The following CFAP46 variants were observed in gnomAD, a reference collection of about 807,000 sequenced individuals.
CFAP46 encodes the protein cilia and flagella associated protein 46.
Under a neutral mutation model 325.7 loss-of-function variants are expected in CFAP46, and 245 were observed. That is an observed-to-expected ratio of 0.75 (90% CI 0.68 to 0.84). The LOEUF is 0.84. Ranked by LOEUF, CFAP46 falls within the 40% of genes least tolerant of loss-of-function variation. CFAP46 has a pLI of 0.00. For missense variants in CFAP46, 3,346 were observed against 3,543.0 expected, an observed-to-expected ratio of 0.94 and a Z score of 1.41; for synonymous variants, 1,523 against 1,495.9, an observed-to-expected ratio of 1.02 and a Z score of -0.42.
chr10:132,935,932 C>G (rs1849995185), intron 7 of CFAP46, among the ~76,000 whole-genome samples: 2 of 129,776 alleles, frequency 1.5e-5, no homozygotes, highest in Non-Finnish European at 3.4e-5. Context: ...TCTCCTCACT[C>G]CCCTCGGCAC....
intron 17 of CFAP46, among the ~76,000 whole-genome samples, chr10:132,913,905 C>T (rs1849598238): frequency 6.6e-6 from 1 of 152,106 alleles, no homozygotes; most frequent in African/African-American, 2.4e-5. Flanking sequence ...CAGCAGCCCC[C>T]TCGTTCCAGT....
Position 132,827,406 on chromosome 10 carries a change from T to C in CFAP46, c.7117+5952A>G, listed in dbSNP as rs2056491349. 6.6e-6 allele frequency among the ~76,000 whole-genome samples: 1 copy of C among 152,110 alleles called. No individual in the cohort carries two copies. The highest frequency in any genetic ancestry group is 1.5e-5 in the Non-Finnish European group (1 of 68,012). On this transcript the variant is annotated intron_variant, in intron 50 of 57. Transcript: ENST00000368586. The surrounding 1 kb of genome is among the most constrained non-coding windows in gnomAD (Gnocchi z 5.7). ...CGGTGCCTGCAGGGCCCTCTGTCCT[T>C]GGACCTCCTCCTTCAAGGATCCACT...
chr10:132,860,925 T>C lies in CFAP46; in HGVS notation c.4948A>G (p.Asn1650Asp). The C allele has an allele frequency of 1.3e-6, 2 of 1,550,728 alleles. No homozygotes were observed. Among genetic ancestry groups the C allele is most frequent in the Non-Finnish European group, 1.7e-6 (2 of 1,147,026 alleles). Reference protein sequence around the residue: ...QCLLLLAQLANKEKNYGQAKK... With the variant: ...QCLLLLAQLADKEKNYGQAKK... ...GCTTGTCCATAGTTTTTCTCCTTGT[T>C]GGCCAACTGTGCGAGGAGGAGCAGG... The change falls in exon 36 of 58, where the codon AAC becomes GAC. Residue 1650 changes from asparagine (N) to aspartate (D), a missense_variant. Coordinates refer to ENST00000368586, the MANE Select transcript of CFAP46 (RefSeq NM_001200049.3).
At position 132,919,587 on chromosome 10, in the gene CFAP46, G is replaced by T; in HGVS notation, c.1731-145C>A. The T allele has an allele frequency of 9.0e-7, 1 of 1,116,474 alleles. No individual in the cohort carries two copies. Among genetic ancestry groups the T allele is most frequent in the Non-Finnish European group, 1.2e-6 (1 of 805,052 alleles). 69.2% of individuals were successfully genotyped at this position (1,116,474 alleles called of 1,614,324 possible). ...GCAAGGAGCCCGGCACTCGCGCTGG[G>T]TACGGCCTGGCGGGTGCATGTCCCA... is the stretch of plus-strand genomic sequence containing the variant. On this transcript the variant is annotated intron_variant, in intron 14 of 57. Coordinates refer to ENST00000368586, the MANE Select transcript of CFAP46 (RefSeq NM_001200049.3). This position sits in a 1 kb window ranked among gnomAD's most constrained non-coding sequence, Gnocchi z 9.7.
chr10:132,894,463 A>C (rs985113770), intron 24 of CFAP46, among the ~76,000 whole-genome samples: 1 of 152,198 alleles, frequency 6.6e-6, no homozygotes, highest in Admixed American at 6.5e-5. Context: ...AGAAGGAAGG[A>C]AATAATAGAG....
At position 132,808,825 on chromosome 10, in the gene CFAP46, G is replaced by A; in HGVS notation, c.7744C>T (p.Pro2582Ser). ...TGGCTTGGTGCGGCAGCCCATACAG[G>A]ACCAAGTTGAGCGTGGTGGGAAGGA... ...RAPSHHAQLG[P>S]VWAAAPSHRV... Residue 2582 changes from proline to serine, a missense_variant, in exon 58 of 58, where the codon CCT becomes TCT. Physicochemically the swap from Pro to Ser is moderately conservative, Grantham distance 74. Transcript: ENST00000368586. The surrounding 1 kb of genome is among the most constrained non-coding windows in gnomAD (Gnocchi z 6.8). 1 of 1,607,380 alleles carries A rather than the reference G, an allele frequency of 6.2e-7. No homozygotes were observed. Among genetic ancestry groups the A allele is most frequent in the Non-Finnish European group, 8.5e-7 (1 of 1,176,104 alleles).
chr10:132,892,254 GCAC>G, intron 25 of CFAP46, 76 bp downstream of exon 25: 1 of 1,344,896 alleles, frequency 7.4e-7, no homozygotes, highest in Admixed American at 2.1e-5. Context: ...GAATTTAAAA[GCAC>G]CACGTTTAAA....
rs537958393 is a variant in CFAP46 at position 132,810,964 on chromosome 10, G to A, written c.7569C>T (p.Ser2523=). Residue 2523 remains serine, a synonymous_variant, in exon 56 of 58, where the codon AGC becomes AGT. Transcript: ENST00000368586. ...SYQSLKRHME[S]VEHRRSVGRW... Reference sequence around the variant, plus strand: ...CAGCCAGGCACCTCCTGTGCTCCACGCTCTCCATGTGCCTCTTCAAGCTCT... The same window carrying A: ...CAGCCAGGCACCTCCTGTGCTCCACACTCTCCATGTGCCTCTTCAAGCTCT... 5.6e-6 allele frequency: 9 copies of A among 1,603,566 alleles called. No individual in the cohort carries two copies. The highest frequency in any genetic ancestry group is 2.2e-5 in the South Asian group (2 of 89,110).
chr10:132,915,743 A>G (rs1849628287), intron 17 of CFAP46, among the ~76,000 whole-genome samples: 1 of 152,228 alleles, frequency 6.6e-6, no homozygotes. Flanking sequence ...CCCGTGTCCT[A>G]TGCACGGCGA....
intron 6 of CFAP46, 171 bp from the exon 7 acceptor site, chr10:132,937,226 T>C (rs748434546): frequency 2.5e-5 from 13 of 530,136 alleles, no homozygotes; most frequent in African/African-American, 5.8e-5. Flanking sequence ...ATGCTTTTGG[T>C]ACATATTCTT....
rs1848703003 is a variant in CFAP46 at position 132,860,292 on chromosome 10, T to C, written c.5198+125A>G. The C allele has an allele frequency of 6.1e-6, 4 of 659,404 alleles. No homozygotes were observed. In the East Asian group the frequency reaches 1.1e-4, roughly 18 times the overall value. 40.8% of individuals were successfully genotyped at this position (659,404 alleles called of 1,614,324 possible). Reference sequence around the variant, plus strand: ...CTGGAGCTGCACGGAAAGCTGTGGATATGTGGCCCCATGACGTGGGTCTCT... The same window carrying C: ...CTGGAGCTGCACGGAAAGCTGTGGACATGTGGCCCCATGACGTGGGTCTCT... On this transcript the variant is annotated intron_variant, in intron 37 of 57. Coordinates refer to ENST00000368586, the MANE Select transcript of CFAP46 (RefSeq NM_001200049.3).
chr10:132,912,019 A>G (rs1849547162), intron 19 of CFAP46, among the ~76,000 whole-genome samples: 2 of 151,932 alleles, frequency 1.3e-5, no homozygotes, highest in South Asian at 2.1e-4. Context: ...TTGCTCTCCC[A>G]GGGCCTTTCC....
intron 8 of CFAP46, among the ~76,000 whole-genome samples, chr10:132,932,509 C>T (rs1849927537): frequency 6.6e-6 from 1 of 151,610 alleles, no homozygotes; most frequent in African/African-American, 2.4e-5. Context: ...CTGAACCTTC[C>T]CAACACTCCT....
rs1564808153 is a variant in CFAP46 at position 132,942,031 on chromosome 10, T to C, written c.123A>G (p.Ser41=). ...ANLGKSEFDP[S]ESFSPDLFVL... is the part of the protein sequence containing the mutation. Reference sequence around the variant, plus strand: ...CAAACAGGTCTGGGCTGAAGCTCTCTGAGGGGTCAAACTCCGATTTCCCTA... The same window carrying C: ...CAAACAGGTCTGGGCTGAAGCTCTCCGAGGGGTCAAACTCCGATTTCCCTA... The change falls in exon 2 of 58, where the codon TCA becomes TCG. Residue 41 remains serine, a synonymous_variant. Transcript: ENST00000368586. The C allele has an allele frequency of 6.4e-7, 1 of 1,551,766 alleles. No homozygotes were observed.
rs1368316487 is a variant in CFAP46, at chr10:132,879,607, G to A, written c.3824C>T (p.Pro1275Leu). ...PDGEYVAVEM[P>L]PRSPVSEAEE... ...GGCCTCGGACACGGGGCTCCGTGGG[G>A]GCATCTCCACAGCCACGTACTCCCC... The change falls in exon 29 of 58, where the codon CCC becomes CTC. Residue 1275 changes from proline to leucine, a missense_variant. Transcript: ENST00000368586. 1.3e-6 allele frequency: 2 copies of A among 1,542,598 alleles called. No homozygotes were observed. The highest frequency in any genetic ancestry group is 4.0e-5 in the Admixed American group (2 of 50,546).
rs115821879 is a variant in CFAP46, at chr10:132,920,541, G to A, written c.1607-359C>T. On this transcript the variant is annotated intron_variant, in intron 13 of 57. Transcript: ENST00000368586. ...TCCCGAGCTCCCACCCAGCCCCTGCGTAGCACCCCAAGTCCCAGCAGGTTT... is the reference window on the plus strand; with the variant it reads ...TCCCGAGCTCCCACCCAGCCCCTGCATAGCACCCCAAGTCCCAGCAGGTTT... 2.8e-3 allele frequency among the ~76,000 whole-genome samples: 423 copies of A among 152,304 alleles called. 5 individuals are homozygous for A. The highest frequency in any genetic ancestry group is 9.8e-3 in the African/African-American group (407 of 41,564).
Position 132,869,269 on chromosome 10 carries a change from C to G in CFAP46, c.4610+5G>C. ...CCAGGCGGCGCAGGGTGGGACGGCACACACCTGGCCTGCTCCAGCTCGCTG... is the reference window on the plus strand; with the variant it reads ...CCAGGCGGCGCAGGGTGGGACGGCAGACACCTGGCCTGCTCCAGCTCGCTG... On this transcript the variant is annotated splice_donor_5th_base_variant and intron_variant, in intron 33 of 57. Coordinates refer to ENST00000368586, the MANE Select transcript of CFAP46 (RefSeq NM_001200049.3). This position sits in a 1 kb window ranked among gnomAD's most constrained non-coding sequence, Gnocchi z 6.2. 2.6e-6 allele frequency: 4 copies of G among 1,526,338 alleles called. No individual in the cohort carries two copies. Among genetic ancestry groups the G allele is most frequent in the Non-Finnish European group, 3.5e-6 (4 of 1,135,680 alleles). 94.5% of individuals were successfully genotyped at this position (1,526,338 alleles called of 1,614,324 possible).
chr10:132,837,242 C>T (rs543149414), intron 44 of CFAP46, among the ~76,000 whole-genome samples: 1 of 152,386 alleles, frequency 6.6e-6, no homozygotes, highest in South Asian at 2.1e-4. Flanking sequence ...CCAGCGCCGC[C>T]TCTGTGAGTG....
At chr10:132,818,419 C>G (rs1212355107) in intron 50 of CFAP46, among the ~76,000 whole-genome samples, 1 of 151,952 alleles carries the variant, frequency 6.6e-6, no homozygotes, top group East Asian at 1.9e-4. Context: ...TTTTAAAAAC[C>G]CCGAACACAC....
Sources: allele counts gnomAD v4.1 joint callset (sites outside exome capture counted in the v4.1 genomes callset), GRCh38; gene constraint gnomAD v4.1.1; non-coding constraint Gnocchi (gnomAD v3.1); transcripts MANE v1.5; gene names NCBI Gene and HGNC (gene_info 2026-07-23, HGNC 2026-07-21).